MEF2A: variants seen among roughly 807,000 people sequenced by gnomAD.
MEF2A encodes the protein myocyte enhancer factor 2A.
A neutral mutation model predicts 55.8 loss-of-function variants in MEF2A; 28 were observed. That is an observed-to-expected ratio of 0.50 (90% confidence interval 0.37 to 0.69). MEF2A has a LOEUF of 0.69. MEF2A is among the 30% of genes least tolerant of loss of function. The pLI, the probability that MEF2A is intolerant of heterozygous loss-of-function variation, is 0.00. For synonymous variants in MEF2A, 239 were observed against 227.1 expected, an observed-to-expected ratio of 1.05 and a Z score of -0.47; for missense variants, 528 against 626.2, an observed-to-expected ratio of 0.84 and a Z score of 1.67.
At position 99,668,356 on chromosome 15, in the gene MEF2A, G is replaced by T. The variant is rs143915716; in HGVS notation, c.259-2967G>T. Among the ~76,000 whole-genome samples the T allele has an allele frequency of 3.4e-3, 518 of 152,266 alleles. 4 individuals carry two copies. The highest frequency in any genetic ancestry group is 0.012 in the African/African-American group (485 of 41,552). On this transcript the variant is annotated intron_variant, in intron 4 of 11. Coordinates refer to ENST00000557942, the MANE Select transcript of MEF2A (RefSeq NM_001319206.4). ...TTTATAGCAGCCTGTAATGTATGTTGTAGAAGACATTTCTTTAAGAAAAGC... is the reference window on the plus strand; with the variant it reads ...TTTATAGCAGCCTGTAATGTATGTTTTAGAAGACATTTCTTTAAGAAAAGC...
At chr15:99,570,197 T>C (rs992218206) in intron 1 of MEF2A, among the ~76,000 whole-genome samples, 3 of 152,302 alleles carry the variant, frequency 2.0e-5, no homozygotes, top group African/African-American at 4.8e-5. Context: ...ATTTACTTCA[T>C]CATTATTTTA....
intron 4 of MEF2A, among the ~76,000 whole-genome samples, chr15:99,659,238 G>C (rs1044277614): frequency 6.6e-6 from 1 of 151,994 alleles, no homozygotes; most frequent in African/African-American, 2.4e-5. Flanking sequence ...TCCAGCTCCT[G>C]GGAGACAAGG....
chr15:99,602,698 GTAGGGGTGGGGAGCTTTTTGTGT>G (rs1973636677), intron 2 of MEF2A, among the ~76,000 whole-genome samples: 1 of 89,470 alleles, frequency 1.1e-5, no homozygotes, highest in East Asian at 3.5e-4. Context: ...GTGTGTGTGT[GTAGGGGTGGGGAGCTTTTTGTGT>G]GTGTGTGTGG....
intron 2 of MEF2A, among the ~76,000 whole-genome samples, chr15:99,627,897 T>A (rs1028990119): frequency 6.6e-6 from 1 of 152,210 alleles, no homozygotes; most frequent in East Asian, 1.9e-4. Context: ...TATGAAGTCA[T>A]GTAGTAAGCA....
At chr15:99,588,553 A>G (rs1390148198) in intron 1 of MEF2A, among the ~76,000 whole-genome samples, 1 of 151,616 alleles carries the variant, frequency 6.6e-6, no homozygotes, top group Non-Finnish European at 1.5e-5. Context: ...CAATCTGGCC[A>G]TCTCACCCTC....
chr15:99,611,972 A>G (rs2039337468), intron 2 of MEF2A, among the ~76,000 whole-genome samples: 1 of 152,194 alleles, frequency 6.6e-6, no homozygotes, highest in Non-Finnish European at 1.5e-5. Context: ...TTCCATAGAG[A>G]CAGAAAGTAG....
intron 4 of MEF2A, among the ~76,000 whole-genome samples, chr15:99,663,401 C>A (rs938918769): frequency 7.2e-5 from 11 of 151,900 alleles, no homozygotes; most frequent in African/African-American, 2.7e-4. Context: ...TCCTGACTAC[C>A]AAGAACTGAA....
At chr15:99,615,350 ATT>A (rs2040013270) in intron 2 of MEF2A, among the ~76,000 whole-genome samples, 1 of 152,126 alleles carries the variant, frequency 6.6e-6, no homozygotes, top group African/African-American at 2.4e-5. Flanking sequence ...TGTTGTGAGT[ATT>A]TTTATACTCA....
rs1460827720 is a variant in MEF2A, at chr15:99,690,701, C to T, written c.858+273C>T. 3.6e-6 allele frequency: 2 copies of T among 555,438 alleles called. No homozygotes were observed. Among genetic ancestry groups the T allele is most frequent in the Non-Finnish European group, 6.8e-6 (2 of 293,782 alleles). 34.4% of individuals were successfully genotyped at this position (555,438 alleles called of 1,614,324 possible). ...ATTGTGTTAAGTGAAATAAGCCAGG[C>T]ATAGAAAGATAGATACTGCAAGGTC... On this transcript the variant is annotated intron_variant, in intron 8 of 11. Transcript: ENST00000557942.
chr15:99,599,106 A>G (rs1972168487), intron 2 of MEF2A, among the ~76,000 whole-genome samples: 1 of 152,154 alleles, frequency 6.6e-6, no homozygotes. Flanking sequence ...CTAGGTTAAC[A>G]TTCACAGTAT....
At chr15:99,580,515 G>A (rs1269238272) in intron 1 of MEF2A, among the ~76,000 whole-genome samples, 1 of 152,178 alleles carries the variant, frequency 6.6e-6, no homozygotes, top group Non-Finnish European at 1.5e-5. Context: ...GTCTCCGGAA[G>A]GTATTGTGGA....
At chr15:99,694,365 A>T (rs1225921425) in intron 8 of MEF2A, among the ~76,000 whole-genome samples, 1 of 152,220 alleles carries the variant, frequency 6.6e-6, no homozygotes, top group Non-Finnish European at 1.5e-5. Flanking sequence ...GATACTCAGG[A>T]CCAGAAGTAT....
rs566862354 is a variant in MEF2A, at chr15:99,704,394, AATTAT to A, written c.882+1015_882+1019del. Among the ~76,000 whole-genome samples the A allele has an allele frequency of 1.6e-4, 24 of 152,344 alleles. No individual in the cohort carries two copies. In the South Asian group the frequency reaches 4.8e-3, roughly 30 times the overall value. On this transcript the variant is annotated intron_variant, in intron 9 of 11. Coordinates refer to ENST00000557942, the MANE Select transcript of MEF2A (RefSeq NM_001319206.4). ...ATTCTAGTCAGCTGTAAATGTTTTG[AATTAT>A]ATTATGAATATCTTTTGGAGAAACA...
At chr15:99,598,169 C>G (rs763034297) in intron 1 of MEF2A, among the ~76,000 whole-genome samples, 4 of 152,172 alleles carry the variant, frequency 2.6e-5, no homozygotes, top group Non-Finnish European at 5.9e-5. Context: ...ATTTTTGAAT[C>G]TCGCGATGCA....
chr15:99,572,966 A>C (rs1962938459), intron 1 of MEF2A, among the ~76,000 whole-genome samples: 1 of 152,206 alleles, frequency 6.6e-6, no homozygotes, highest in African/African-American at 2.4e-5. Context: ...GATATAGTGA[A>C]TTCTCAGTAA....
chr15:99,619,664 G>T (rs1423103572), intron 2 of MEF2A, among the ~76,000 whole-genome samples: 1 of 152,178 alleles, frequency 6.6e-6, no homozygotes, highest in Non-Finnish European at 1.5e-5. Context: ...GATTGAAAAT[G>T]TGTGTGTTAG....
intron 9 of MEF2A, among the ~76,000 whole-genome samples, chr15:99,706,329 A>G (rs902704599): frequency 6.6e-6 from 1 of 152,276 alleles, no homozygotes; most frequent in Non-Finnish European, 1.5e-5. Flanking sequence ...TCCTATACTC[A>G]TAGACGTACA....
intron 4 of MEF2A, among the ~76,000 whole-genome samples, chr15:99,663,919 G>A (rs1476335260): frequency 2.0e-5 from 3 of 152,190 alleles, no homozygotes; most frequent in African/African-American, 7.2e-5. Flanking sequence ...TACAGGGTCA[G>A]CCAAGTGGTA....
intron 2 of MEF2A, among the ~76,000 whole-genome samples, chr15:99,606,412 T>G (rs1975140444): frequency 6.6e-6 from 1 of 152,048 alleles, no homozygotes; most frequent in African/African-American, 2.4e-5. Context: ...AATTAAGAAA[T>G]TTTGTTCTTG....
Sources: gnomAD v4.1 joint callset for allele counts (sites outside exome capture counted in the v4.1 genomes callset) on GRCh38, gnomAD v4.1.1 for gene constraint, MANE v1.5 for transcripts, NCBI Gene and HGNC (gene_info 2026-07-23, HGNC 2026-07-21) for gene names.